Variants in PPFIA1 observed in about 807,000 individuals in gnomAD.
PPFIA1 encodes the protein PPFI scaffold protein A1.
In PPFIA1, 25 loss-of-function variants were observed where a neutral mutation model predicts 149.9. The observed-to-expected ratio is 0.17, with a 90% CI of 0.12 to 0.23. PPFIA1 has a LOEUF of 0.23. PPFIA1 is among the 10% of genes least tolerant of loss of function. The pLI, the probability that PPFIA1 is intolerant of heterozygous loss-of-function variation, is 1.00. For synonymous variants in PPFIA1, 549 were observed against 552.8 expected (o/e 0.99, Z 0.10); for missense variants, 1,362 against 1,506.5 (o/e 0.90, Z 1.59).
chr11:70,320,501 G>A (rs976964660), intron 2 of PPFIA1, among the ~76,000 whole-genome samples: 11 of 148,376 alleles, frequency 7.4e-5, no homozygotes, highest in African/African-American at 2.8e-4. Flanking sequence ...GTGTGATCAC[G>A]GCTCAACCTG....
intron 2 of PPFIA1, among the ~76,000 whole-genome samples, chr11:70,291,510 A>G (rs1010683512): frequency 5.3e-5 from 8 of 152,196 alleles, no homozygotes; most frequent in Admixed American, 1.3e-4. Context: ...TTCCTCCACC[A>G]TAGATGCTGA....
Position 70,330,232 on chromosome 11 carries a change from C to T in PPFIA1, c.990C>T (p.Leu330=), listed in dbSNP as rs186057891. ...ERITTLEKRY[L]AAQREATSVH... ...TCACTACTCTTGAAAAACGCTACCT[C>T]GCTGCACAGCGTGAAGCCACATCTG... The change falls in exon 8 of 28, where the codon CTC becomes CTT. Residue 330 remains leucine (L), a synonymous_variant. Transcript: ENST00000253925. 30 of 1,601,488 alleles carry T rather than the reference C, an allele frequency of 1.9e-5. No individual in the cohort carries two copies. In the Admixed American group the frequency reaches 2.5e-4, roughly 13 times the overall value.
chr11:70,305,348 C>T (rs922073306), intron 2 of PPFIA1, among the ~76,000 whole-genome samples: 1 of 152,080 alleles, frequency 6.6e-6, no homozygotes, highest in African/African-American at 2.4e-5. Context: ...AACAGTTTGA[C>T]CTACCAACCC....
At chr11:70,381,483 C>G (rs771954457) in intron 26 of PPFIA1, among the ~76,000 whole-genome samples, 6 of 152,194 alleles carry the variant, frequency 3.9e-5, no homozygotes, top group Non-Finnish European at 7.3e-5. Flanking sequence ...AGCTTTCACC[C>G]CACTCCCTGG....
At chr11:70,356,903 C>G (rs1268685599) in intron 19 of PPFIA1, among the ~76,000 whole-genome samples, 1 of 152,164 alleles carries the variant, frequency 6.6e-6, no homozygotes. Flanking sequence ...AAGTCTGCTT[C>G]TGACAATAAG....
intron 2 of PPFIA1, among the ~76,000 whole-genome samples, chr11:70,307,208 T>A (rs536353147): frequency 2.0e-5 from 3 of 152,344 alleles, no homozygotes; most frequent in Admixed American, 2.0e-4. Context: ...ACCCAGAAAT[T>A]CTAAGGTTTT....
At chr11:70,308,770 A>G (rs2053054656) in intron 2 of PPFIA1, among the ~76,000 whole-genome samples, 1 of 152,106 alleles carries the variant, frequency 6.6e-6, no homozygotes, top group Admixed American at 6.6e-5. Flanking sequence ...AAAAAAACAA[A>G]ACAAAACAAA....
intron 26 of PPFIA1, among the ~76,000 whole-genome samples, chr11:70,379,879 T>A (rs1171414992): frequency 6.6e-6 from 1 of 152,186 alleles, no homozygotes; most frequent in African/African-American, 2.4e-5. Context: ...GAAAACCCAG[T>A]ATATCTTTTA....
At position 70,372,445 on chromosome 11, in the gene PPFIA1, T is replaced by C. The variant is rs776520499; in HGVS notation, c.3042-32T>C. 1.9e-5 allele frequency: 31 copies of C among 1,612,300 alleles called. No homozygotes were observed. In the South Asian group the frequency reaches 3.3e-4, roughly 17 times the overall value. ...TGGCTAAGATTTTTCACTGTTACCATCTCTAAATCATCTCTCTTTTCTTCC... is the reference window on the plus strand; with the variant it reads ...TGGCTAAGATTTTTCACTGTTACCACCTCTAAATCATCTCTCTTTTCTTCC... On this transcript the variant is annotated intron_variant, in intron 22 of 27. Transcript: ENST00000253925.
At chr11:70,311,748 A>C (rs2053297209) in intron 2 of PPFIA1, among the ~76,000 whole-genome samples, 1 of 151,904 alleles carries the variant, frequency 6.6e-6, no homozygotes, top group Admixed American at 6.6e-5. Context: ...TTTTGTGGAT[A>C]CATAAACCAA....
At chr11:70,311,980 C>A (rs1728384216) in intron 2 of PPFIA1, among the ~76,000 whole-genome samples, 1 of 151,002 alleles carries the variant, frequency 6.6e-6, no homozygotes, top group South Asian at 2.1e-4. Context: ...GCAGCAGGGA[C>A]TACAGGCATG....
chr11:70,343,321 A>G (rs1435033409), intron 14 of PPFIA1, among the ~76,000 whole-genome samples: 3 of 152,190 alleles, frequency 2.0e-5, no homozygotes, highest in Non-Finnish European at 4.4e-5. Context: ...TTCTAAGGCT[A>G]TATTTGCAGC....
intron 21 of PPFIA1, among the ~76,000 whole-genome samples, chr11:70,370,380 T>A (rs978279328): frequency 6.6e-6 from 1 of 151,722 alleles, no homozygotes; most frequent in African/African-American, 2.4e-5. Flanking sequence ...TTCTTCTAGT[T>A]TAAGTTTTAA....
chr11:70,344,487 T>C (rs1301459964), intron 15 of PPFIA1, among the ~76,000 whole-genome samples: 1 of 152,216 alleles, frequency 6.6e-6, no homozygotes, highest in African/African-American at 2.4e-5. Flanking sequence ...AACCCTCTTC[T>C]GGTCTTAGTG....
intron 2 of PPFIA1, among the ~76,000 whole-genome samples, chr11:70,288,774 A>T (rs1217734931): frequency 6.6e-6 from 1 of 152,092 alleles, no homozygotes; most frequent in African/African-American, 2.4e-5. Context: ...CTTTTTGCCA[A>T]GACCCCATTA....
chr11:70,289,960 T>C (rs1265848741), intron 2 of PPFIA1, among the ~76,000 whole-genome samples: 1 of 152,184 alleles, frequency 6.6e-6, no homozygotes, highest in Non-Finnish European at 1.5e-5. Flanking sequence ...CCAGGTGCAG[T>C]GGCTCACACT....
rs763566088 is a variant in PPFIA1 at position 70,372,355 on chromosome 11, T to A, written c.3006T>A (p.Leu1002=). Reference sequence around the variant, plus strand: ...TGGACCACTTGACCAAGAAAGACCTTCGAGGGCAGCTGAAAATGGTCGACA... The same window carrying A: ...TGGACCACTTGACCAAGAAAGACCTACGAGGGCAGCTGAAAATGGTCGACA... ...RMLDHLTKKD[L]RGQLKMVDSF... is the part of the protein sequence containing the mutation. Residue 1002 remains leucine (L), a synonymous_variant, in exon 22 of 28, where the codon CTT becomes CTA. Coordinates refer to ENST00000253925, the MANE Select transcript of PPFIA1 (RefSeq NM_003626.5). 2.5e-6 allele frequency: 4 copies of A among 1,614,188 alleles called. No homozygotes were observed. The Admixed American group carries it at 5.0e-5, about 20-fold the overall frequency.
At chr11:70,322,005 G>A (rs1367362941) in intron 2 of PPFIA1, among the ~76,000 whole-genome samples, 1 of 152,166 alleles carries the variant, frequency 6.6e-6, no homozygotes, top group Non-Finnish European at 1.5e-5. Flanking sequence ...GAGTAGCTGG[G>A]ATTACAGGCA....
intron 2 of PPFIA1, among the ~76,000 whole-genome samples, chr11:70,306,536 G>A (rs1346415866): frequency 6.6e-6 from 1 of 152,064 alleles, no homozygotes; most frequent in Non-Finnish European, 1.5e-5. Flanking sequence ...ATAAATAAGG[G>A]GAAATTAGTT....
Sources: gnomAD v4.1 joint callset for allele counts (sites outside exome capture counted in the v4.1 genomes callset) on GRCh38, gnomAD v4.1.1 for gene constraint, MANE v1.5 for transcripts, NCBI Gene and HGNC (gene_info 2026-07-23, HGNC 2026-07-21) for gene names.